ZEB2: variants seen among roughly 807,000 people sequenced by gnomAD.
ZEB2 encodes the protein zinc finger E-box binding homeobox 2.
In ZEB2, 6 loss-of-function variants were observed where a neutral mutation model predicts 99.9. That is an observed-to-expected ratio of 0.06 (90% CI 0.03 to 0.12). The LOEUF is 0.12. ZEB2 is among the 10% of genes least tolerant of loss of function. ZEB2 has a pLI of 1.00. For synonymous variants in ZEB2, 517 were observed against 542.5 expected (o/e 0.95, Z 0.65); for missense variants, 969 against 1,502.8 (o/e 0.64, Z 5.87).
rs186442255 is a variant in ZEB2 at position 144,498,394 on chromosome 2, T to C, written c.73+18884A>G. Among the ~76,000 whole-genome samples the C allele has an allele frequency of 2.0e-5, 3 of 151,610 alleles. No individual in the cohort carries two copies. The East Asian group carries it at 5.8e-4, about 30-fold the overall frequency. ...CCTCCATCCCACCACTCTGCTGAAA[T>C]TTGAGCCAAGCCCCATGTGGTTGCG... On this transcript the variant is annotated intron_variant, in intron 2 of 9. Coordinates refer to ENST00000627532, the MANE Select transcript of ZEB2 (RefSeq NM_014795.4).
At chr2:144,413,469 C>T (rs1703492405) in intron 4 of ZEB2, among the ~76,000 whole-genome samples, 1 of 152,172 alleles carries the variant, frequency 6.6e-6, no homozygotes, top group South Asian at 2.1e-4. Flanking sequence ...TGATTATAGT[C>T]TGAAAATCAT....
At chr2:144,487,493 A>G (rs1208080341) in intron 2 of ZEB2, among the ~76,000 whole-genome samples, 1 of 152,194 alleles carries the variant, frequency 6.6e-6, no homozygotes, top group Non-Finnish European at 1.5e-5. Flanking sequence ...AGAAGAGAAA[A>G]AGGGAAAGGT....
intron 2 of ZEB2, among the ~76,000 whole-genome samples, chr2:144,472,352 A>G (rs182035308): frequency 1.3e-5 from 2 of 152,236 alleles, no homozygotes; most frequent in Non-Finnish European, 2.9e-5. Context: ...GACATAAACT[A>G]CTGTTAGAAC....
chr2:144,466,710 G>A (rs1011997503), intron 2 of ZEB2, among the ~76,000 whole-genome samples: 12 of 152,136 alleles, frequency 7.9e-5, no homozygotes, highest in African/African-American at 2.7e-4. Flanking sequence ...AACCTCAAAC[G>A]GAGTAAACCA....
chr2:144,507,305 C>T (rs1277899550), intron 2 of ZEB2: 1 of 152,064 alleles, frequency 6.6e-6, no homozygotes, highest in Non-Finnish European at 1.5e-5. Context: ...TTTAATCCCA[C>T]AGATTATAGG....
At chr2:144,431,547 C>G (rs927237810) in intron 2 of ZEB2, among the ~76,000 whole-genome samples, 1 of 151,850 alleles carries the variant, frequency 6.6e-6, no homozygotes, top group African/African-American at 2.4e-5. Flanking sequence ...GCAGCGGAGC[C>G]GGGCAAACAG....
At chr2:144,451,561 A>G (rs939025706) in intron 2 of ZEB2, among the ~76,000 whole-genome samples, 1 of 152,198 alleles carries the variant, frequency 6.6e-6, no homozygotes, top group Non-Finnish European at 1.5e-5. Flanking sequence ...TCCATAGATG[A>G]ATATTTACAT....
intron 2 of ZEB2, among the ~76,000 whole-genome samples, chr2:144,474,893 A>G (rs1017535873): frequency 1.3e-5 from 2 of 152,238 alleles, no homozygotes; most frequent in African/African-American, 4.8e-5. Context: ...AAAGAAATAT[A>G]ACATTTTTAT....
intron 4 of ZEB2, among the ~76,000 whole-genome samples, chr2:144,421,558 C>A (rs1703618287): frequency 6.6e-6 from 1 of 151,946 alleles, no homozygotes. Flanking sequence ...AGCTTTCTTT[C>A]AAGGGTAGTT....
chr2:144,461,229 C>A (rs1329240983), intron 2 of ZEB2: 3 of 151,642 alleles, frequency 2.0e-5, no homozygotes, highest in African/African-American at 7.3e-5. Flanking sequence ...CTAAGGTGAG[C>A]CCTCCCAGAG....
intron 4 of ZEB2, among the ~76,000 whole-genome samples, chr2:144,422,513 T>A (rs1703631789): frequency 6.6e-6 from 1 of 152,178 alleles, no homozygotes; most frequent in Non-Finnish European, 1.5e-5. Flanking sequence ...ATTCAAATAA[T>A]TATAGGCCAG....
chr2:144,515,663 G>C (rs1400786034), intron 2 of ZEB2, among the ~76,000 whole-genome samples: 1 of 151,864 alleles, frequency 6.6e-6, no homozygotes, highest in Admixed American at 6.6e-5. Context: ...CAGCACAAAG[G>C]GGAAAGGCAG....
chr2:144,485,314 T>C (rs190189156), intron 2 of ZEB2, among the ~76,000 whole-genome samples: 102 of 152,288 alleles, frequency 6.7e-4, no homozygotes, highest in African/African-American at 2.3e-3. Context: ...GATTTTAAAA[T>C]AGAAAAGGAT....
intron 4 of ZEB2, among the ~76,000 whole-genome samples, chr2:144,411,490 C>A (rs1283658451): frequency 6.6e-6 from 1 of 152,090 alleles, no homozygotes; most frequent in Non-Finnish European, 1.5e-5. Context: ...TGCATGTATG[C>A]GTTTTTGCAG....
At chr2:144,478,496 A>C (rs1282375537) in intron 2 of ZEB2, among the ~76,000 whole-genome samples, 1 of 152,182 alleles carries the variant, frequency 6.6e-6, no homozygotes, top group Non-Finnish European at 1.5e-5. Flanking sequence ...ATTAAGTTGC[A>C]CTTCTAAGCC....
At chr2:144,418,250 A>G (rs140855701) in intron 4 of ZEB2, among the ~76,000 whole-genome samples, 33 of 152,348 alleles carry the variant, frequency 2.2e-4, no homozygotes, top group African/African-American at 7.9e-4. Context: ...AAGAACTTAA[A>G]TGTCAAAGCC....
intron 4 of ZEB2, among the ~76,000 whole-genome samples, chr2:144,420,106 C>A (rs1036556324): frequency 2.6e-5 from 4 of 152,198 alleles, no homozygotes; most frequent in African/African-American, 9.7e-5. Context: ...TTCATTCATT[C>A]ATTTCACCAG....
At chr2:144,425,552 T>C (rs1703681175) in intron 3 of ZEB2, among the ~76,000 whole-genome samples, 2 of 152,172 alleles carry the variant, frequency 1.3e-5, no homozygotes, top group African/African-American at 4.8e-5. Context: ...GGGAAACATA[T>C]ATAACAACAG....
chr2:144,400,310 T>C, intron 7 of ZEB2, 40 bp from the exon 8 acceptor site: 1 of 1,590,138 alleles, frequency 6.3e-7, no homozygotes, highest in Non-Finnish European at 8.5e-7. Context: ...TTTCCTTGAT[T>C]AGATAACAAT....
Sources: allele counts gnomAD v4.1 joint callset (sites outside exome capture counted in the v4.1 genomes callset), GRCh38; gene constraint gnomAD v4.1.1; transcripts MANE v1.5; gene names NCBI Gene and HGNC (gene_info 2026-07-23, HGNC 2026-07-21).